The following UGT1A4 variants were observed in gnomAD, a reference collection of about 807,000 sequenced individuals.
UGT1A4 encodes the protein UDP-glucuronosyltransferase 1A4.
Under a neutral mutation model 41.1 loss-of-function variants are expected in UGT1A4, and 32 were observed. The observed-to-expected ratio is 0.78, with a 90% CI of 0.59 to 1.05. UGT1A4 has a LOEUF of 1.05. UGT1A4 is among the 50% of genes least tolerant of loss of function. The pLI, the probability that UGT1A4 is intolerant of heterozygous loss-of-function variation, is 0.00. For synonymous variants in UGT1A4, 283 were observed against 265.1 expected (o/e 1.07, Z -0.66); for missense variants, 748 against 677.4 (o/e 1.10, Z -1.16).
At chr2:233,754,205 G>A (rs935702131) in intron 1 of UGT1A4, 1 of 163,140 alleles carries the variant, frequency 6.1e-6, no homozygotes, top group African/African-American at 2.4e-5. Context: ...AAACATTGAA[G>A]TCAAATGATT....
At chr2:233,755,001 A>C (rs1350785885) in intron 1 of UGT1A4, 1 of 1,292,842 alleles carries the variant, frequency 7.7e-7, no homozygotes, top group African/African-American at 1.5e-5. Flanking sequence ...GAAGCTGAAG[A>C]CCTACTCGAA....
chr2:233,729,585 C>G lies in UGT1A4; in HGVS notation c.867+9898C>G, dbSNP rs138617806. The G allele has an allele frequency of 8.1e-6, 13 of 1,613,966 alleles. No individual in the cohort carries two copies. In the African/African-American group the frequency reaches 1.3e-4, roughly 17 times the overall value. ...CCTTTGATGTGGTTTTAACAGACCC[C>G]GTTAACCTCTGCGCGGCAGTGCTGG... On this transcript the variant is annotated intron_variant, in intron 1 of 4. Coordinates refer to ENST00000373409, the MANE Select transcript of UGT1A4 (RefSeq NM_007120.3).
At chr2:233,724,657 C>A (rs536267654) in intron 1 of UGT1A4, among the ~76,000 whole-genome samples, 1 of 142,620 alleles carries the variant, frequency 7.0e-6, no homozygotes, top group Non-Finnish European at 1.5e-5. Flanking sequence ...TGGGAAGAGG[C>A]GCTCCTCACT....
intron 1 of UGT1A4, among the ~76,000 whole-genome samples, chr2:233,734,124 A>T (rs533243585): frequency 1.8e-3 from 273 of 151,048 alleles, no homozygotes; most frequent in Non-Finnish European, 3.0e-3. Context: ...ATAATAATAA[A>T]AAGAATTTGG....
intron 1 of UGT1A4, among the ~76,000 whole-genome samples, chr2:233,759,538 A>C (rs1009544779): frequency 1.3e-5 from 2 of 152,036 alleles, no homozygotes; most frequent in Non-Finnish European, 2.9e-5. Context: ...TTCTGTTCAC[A>C]TGCGCTCCAG....
Position 233,719,619 on chromosome 2 carries a change from AG to A in UGT1A4, c.801del (p.Arg267SerfsTer100). 1 of 1,614,060 alleles carries A rather than the reference AG, an allele frequency of 6.2e-7. No individual in the cohort carries two copies. The highest frequency in any genetic ancestry group is 8.5e-7 in the Non-Finnish European group (1 of 1,179,930). ...AGGGGACTTTGTGATGGACTACCCCAGGCCGATCATGCCCAACATGGTCTTC... is the reference window on the plus strand; with the variant it reads ...AGGGGACTTTGTGATGGACTACCCCAGCCGATCATGCCCAACATGGTCTTC... ...FRGDFVMDYP[R>X]PIMPNMVFIG... On this transcript the variant is annotated frameshift_variant, in exon 1 of 5. Coordinates refer to ENST00000373409, the MANE Select transcript of UGT1A4 (RefSeq NM_007120.3). LOFTEE classifies it high-confidence loss of function.
At position 233,729,614 on chromosome 2, in the gene UGT1A4, A is replaced by C. The variant is rs775324088; in HGVS notation, c.867+9927A>C. 2.4e-5 allele frequency: 39 copies of C among 1,613,890 alleles called. No individual in the cohort carries two copies. Among genetic ancestry groups the C allele is most frequent in the Non-Finnish European group, 3.2e-5 (38 of 1,179,900 alleles). On this transcript the variant is annotated intron_variant, in intron 1 of 4. Transcript: ENST00000373409. Reference sequence around the variant, plus strand: ...AACCTCTGCGCGGCAGTGCTGGCTAAGTACCTGTCGATTCCTACTGTGTTT... The same window carrying C: ...AACCTCTGCGCGGCAGTGCTGGCTACGTACCTGTCGATTCCTACTGTGTTT...
chr2:233,725,787 A>T (rs1433226745), intron 1 of UGT1A4, among the ~76,000 whole-genome samples: 1 of 152,208 alleles, frequency 6.6e-6, no homozygotes, highest in African/African-American at 2.4e-5. Flanking sequence ...GTTATCATTA[A>T]ATAATAATCC....
At chr2:233,733,843 T>C (rs1303071690) in intron 1 of UGT1A4, among the ~76,000 whole-genome samples, 2 of 152,184 alleles carry the variant, frequency 1.3e-5, no homozygotes, top group African/African-American at 4.8e-5. Flanking sequence ...GAGGATTCCC[T>C]CTTTTTCTAT....
At chr2:233,729,824 G>C in intron 1 of UGT1A4, 1 of 1,613,884 alleles carries the variant, frequency 6.2e-7, no homozygotes, top group South Asian at 1.1e-5. Flanking sequence ...CCTTATGCAA[G>C]CCTTGCCTCT....
intron 1 of UGT1A4, chr2:233,754,890 C>T (rs1695628658): frequency 1.5e-6 from 2 of 1,351,546 alleles, no homozygotes; most frequent in Non-Finnish European, 2.0e-6. Context: ...CAGGGAGTTC[C>T]TCTGACCCCC....
chr2:233,741,124 A>T (rs1048949215), intron 1 of UGT1A4, among the ~76,000 whole-genome samples: 1 of 151,714 alleles, frequency 6.6e-6, no homozygotes, highest in Non-Finnish European at 1.5e-5. Context: ...ACTTCTATAA[A>T]AGCAACACTT....
chr2:233,749,814 T>C (rs951105241), intron 1 of UGT1A4, among the ~76,000 whole-genome samples: 1 of 151,928 alleles, frequency 6.6e-6, no homozygotes, highest in African/African-American at 2.4e-5. Flanking sequence ...AAGCTCTTCC[T>C]CTTTCTCTCT....
intron 1 of UGT1A4, among the ~76,000 whole-genome samples, chr2:233,738,179 C>T (rs577754213): frequency 2.6e-5 from 4 of 152,258 alleles, no homozygotes; most frequent in African/African-American, 4.8e-5. Context: ...TCATGTAAGA[C>T]GTGTCTTTGC....
chr2:233,751,741 C>G (rs1161851392), intron 1 of UGT1A4, among the ~76,000 whole-genome samples: 2 of 152,164 alleles, frequency 1.3e-5, no homozygotes, highest in East Asian at 1.9e-4. Context: ...CTCTGTTTCT[C>G]TCTTGCTTGC....
At chr2:233,759,870 C>G (rs1487937360) in intron 1 of UGT1A4, among the ~76,000 whole-genome samples, 1 of 152,172 alleles carries the variant, frequency 6.6e-6, no homozygotes, top group African/African-American at 2.4e-5. Context: ...AGCGGGGGTA[C>G]AGTTGTGTTC....
rs1575864217 is a variant in UGT1A4, at chr2:233,771,774, C to G, written c.1308-488C>G. On this transcript the variant is annotated intron_variant, in intron 4 of 4. Transcript: ENST00000373409. ...TCCCTTCCTTCCTCCGTCCCTCTCTCCTTTCCTCTCTCCCTCCCTCCCTCC... is the reference window on the plus strand; with the variant it reads ...TCCCTTCCTTCCTCCGTCCCTCTCTGCTTTCCTCTCTCCCTCCCTCCCTCC... Among the ~76,000 whole-genome samples the G allele has an allele frequency of 2.6e-5, 4 of 152,102 alleles. No individual in the cohort carries two copies. The South Asian group carries it at 8.4e-4, about 32-fold the overall frequency.
intron 1 of UGT1A4, chr2:233,747,771 T>C (rs1693772366): frequency 2.5e-6 from 4 of 1,613,546 alleles, no homozygotes; most frequent in Non-Finnish European, 3.4e-6. Context: ...GGGCACACAG[T>C]GTCCAAATCC....
intron 1 of UGT1A4, among the ~76,000 whole-genome samples, chr2:233,763,107 T>C (rs2126002075): frequency 6.6e-6 from 1 of 152,392 alleles, no homozygotes; most frequent in East Asian, 1.9e-4. Context: ...CACCGAACTT[T>C]ATCAGCTGCC....
Sources: gnomAD v4.1 joint callset for allele counts (sites outside exome capture counted in the v4.1 genomes callset) on GRCh38, gnomAD v4.1.1 for gene constraint, MANE v1.5 for transcripts, NCBI Gene and HGNC (gene_info 2026-07-23, HGNC 2026-07-21) for gene names.